Variants in PTPRZ1 observed in about 807,000 individuals in gnomAD.
PTPRZ1 encodes the protein protein tyrosine phosphatase receptor type Z1, also known as receptor-type tyrosine-protein phosphatase zeta.
Under a neutral mutation model 214.1 loss-of-function variants are expected in PTPRZ1, and 82 were observed. The ratio of observed to expected loss-of-function variants is 0.38; its 90% CI spans 0.32 to 0.46. The LOEUF is 0.46. PTPRZ1 is among the 20% of genes least tolerant of loss of function. The pLI, the probability that PTPRZ1 is intolerant of heterozygous loss-of-function variation, is 1.00. For synonymous variants in PTPRZ1, 945 were observed against 987.9 expected (o/e 0.96, Z 0.81); for missense variants, 2,603 against 2,748.7 (o/e 0.95, Z 1.19).
rs951510151 is a variant in PTPRZ1, at chr7:121,989,665, C to T, written c.928+5548C>T. On this transcript the variant is annotated intron_variant, in intron 8 of 29. Coordinates refer to ENST00000393386, the MANE Select transcript of PTPRZ1 (RefSeq NM_002851.3). ...CTGGGACTACAGGCATGAGCCACCA[C>T]GCTCCACCGAAAGTTTTTTCTTAAT... Among the ~76,000 whole-genome samples the T allele has an allele frequency of 1.1e-4, 16 of 152,282 alleles. No individual in the cohort carries two copies. The South Asian group carries it at 1.9e-3, about 18-fold the overall frequency.
chr7:121,999,215 A>T (rs1450696094), intron 10 of PTPRZ1, among the ~76,000 whole-genome samples: 1 of 152,192 alleles, frequency 6.6e-6, no homozygotes, highest in African/African-American at 2.4e-5. Context: ...ATTTCTTATG[A>T]CCTGCCTCAT....
chr7:121,918,999 A>G (rs1340221588), intron 1 of PTPRZ1, among the ~76,000 whole-genome samples: 1 of 152,028 alleles, frequency 6.6e-6, no homozygotes, highest in Non-Finnish European at 1.5e-5. Flanking sequence ...TGTTGTAAAC[A>G]TCTTGGTACA....
At chr7:121,937,798 C>T (rs529484077) in intron 2 of PTPRZ1, among the ~76,000 whole-genome samples, 63 of 152,304 alleles carry the variant, frequency 4.1e-4, no homozygotes, top group Non-Finnish European at 8.1e-4. Context: ...CCTATATACA[C>T]ACAGGCTGAG....
chr7:121,950,136 G>A (rs1011437191), intron 2 of PTPRZ1, among the ~76,000 whole-genome samples: 1 of 152,142 alleles, frequency 6.6e-6, no homozygotes, highest in East Asian at 1.9e-4. Context: ...ATGGATGGTG[G>A]CAGGCAAAAA....
At chr7:122,057,004 T>C (rs906551825) in intron 27 of PTPRZ1, among the ~76,000 whole-genome samples, 3 of 152,000 alleles carry the variant, frequency 2.0e-5, no homozygotes, top group African/African-American at 7.2e-5. Context: ...ATAATACATA[T>C]CCTTTTTTCT....
intron 2 of PTPRZ1, among the ~76,000 whole-genome samples, chr7:121,964,089 A>AT (rs1176968458): frequency 6.6e-6 from 1 of 151,916 alleles, no homozygotes; most frequent in East Asian, 1.9e-4. Context: ...TTTTTTGGTT[A>AT]TTTTTTCATT....
rs1798749438 is a variant in PTPRZ1, at chr7:122,013,585, A to G, written c.4539A>G (p.Gln1513=). ...GKSPSANGLS[Q]KHNDGKEEND... is the part of the protein sequence containing the mutation. ...CACCATCAGCAAATGGGCTATCCCA[A>G]AAGCACAATGATGGAAAAGAGGAAA... The change falls in exon 12 of 30, where the codon CAA becomes CAG. Residue 1513 remains glutamine, a synonymous_variant. Coordinates refer to ENST00000393386, the MANE Select transcript of PTPRZ1 (RefSeq NM_002851.3). 1 of 1,614,212 alleles carries G rather than the reference A, an allele frequency of 6.2e-7. No individual in the cohort carries two copies. Among genetic ancestry groups the G allele is most frequent in the Non-Finnish European group, 8.5e-7 (1 of 1,180,036 alleles).
At chr7:122,009,931 C>T (rs999537113) in intron 11 of PTPRZ1, among the ~76,000 whole-genome samples, 4 of 152,056 alleles carry the variant, frequency 2.6e-5, no homozygotes, top group African/African-American at 4.8e-5. Context: ...ATAGTTTCAT[C>T]GCCAATTCTT....
intron 6 of PTPRZ1, among the ~76,000 whole-genome samples, chr7:121,981,733 T>C (rs538567860): frequency 2.2e-4 from 34 of 152,348 alleles, no homozygotes; most frequent in African/African-American, 7.7e-4. Context: ...CTATAATCTG[T>C]ATACAAGTTT....
intron 6 of PTPRZ1, among the ~76,000 whole-genome samples, chr7:121,981,003 G>C (rs879754968): frequency 1.6e-4 from 24 of 152,094 alleles, no homozygotes; most frequent in Non-Finnish European, 2.9e-4. Flanking sequence ...TTAGCCAGGC[G>C]TGGTGGCAGG....
chr7:121,989,437 C>T lies in PTPRZ1; in HGVS notation c.928+5320C>T, dbSNP rs186153359. Among the ~76,000 whole-genome samples, 10 of 148,316 alleles carry T rather than the reference C, an allele frequency of 6.7e-5. No homozygotes were observed. In the East Asian group the frequency reaches 1.4e-3, roughly 21 times the overall value. ...TTGCCCAGGCTGGAGTGCAATGGCA[C>T]GATATCGGCTCACCGCAACCTCCGC... On this transcript the variant is annotated intron_variant, in intron 8 of 29. Transcript: ENST00000393386.
At chr7:121,967,754 T>C (rs1402103918) in intron 2 of PTPRZ1, among the ~76,000 whole-genome samples, 197 bp from the exon 3 acceptor site, 1 of 152,204 alleles carries the variant, frequency 6.6e-6, no homozygotes, top group Non-Finnish European at 1.5e-5. Context: ...ATGGTTGTTC[T>C]ACAGACCTTT....
chr7:121,958,017 C>A (rs1156998640), intron 2 of PTPRZ1, among the ~76,000 whole-genome samples: 1 of 151,918 alleles, frequency 6.6e-6, no homozygotes, highest in Non-Finnish European at 1.5e-5. Flanking sequence ...TTTAATAATT[C>A]TTTCCTCTCA....
chr7:122,054,966 C>T lies in PTPRZ1; in HGVS notation c.6407C>T (p.Pro2136Leu), dbSNP rs1331404637. The T allele has an allele frequency of 6.3e-7, 1 of 1,599,902 alleles. No individual in the cohort carries two copies. The highest frequency in any genetic ancestry group is 8.5e-7 in the Non-Finnish European group (1 of 1,173,868). ...NMAEDEFVYW[P>L]NKDEPINCES... ...GCAGAAGATGAATTTGTTTACTGGC[C>T]AAATAAAGATGAGCCTATAAATTGT... Residue 2136 changes from proline (P) to leucine (L), a missense_variant, in exon 27 of 30, where the codon CCA becomes CTA. Around this residue, in one of 6 missense-constraint regions of PTPRZ1, gnomAD observed 134 missense variants for 183.3 expected, o/e 0.73. Coordinates refer to ENST00000393386, the MANE Select transcript of PTPRZ1 (RefSeq NM_002851.3).
chr7:121,882,255 T>C (rs957469569), intron 1 of PTPRZ1, among the ~76,000 whole-genome samples: 5 of 152,230 alleles, frequency 3.3e-5, no homozygotes, highest in African/African-American at 1.2e-4. Context: ...TTTTACAAGA[T>C]AGAAAGATGC....
intron 13 of PTPRZ1, among the ~76,000 whole-genome samples, chr7:122,020,769 A>T (rs1349566091): frequency 6.6e-6 from 1 of 152,180 alleles, no homozygotes; most frequent in East Asian, 1.9e-4. Context: ...ATAATAAGAA[A>T]CAAACAAACC....
At chr7:121,961,249 G>T (rs1480996889) in intron 2 of PTPRZ1, among the ~76,000 whole-genome samples, 1 of 152,020 alleles carries the variant, frequency 6.6e-6, no homozygotes, top group Non-Finnish European at 1.5e-5. Flanking sequence ...GTCTCCCCAG[G>T]CACATGGATC....
intron 29 of PTPRZ1, 93 bp downstream of exon 29, chr7:122,059,981 T>C: frequency 8.1e-7 from 1 of 1,229,900 alleles, no homozygotes; most frequent in Non-Finnish European, 1.1e-6. Flanking sequence ...AGAAAGATCT[T>C]ATTAACTGAT....
intron 6 of PTPRZ1, among the ~76,000 whole-genome samples, chr7:121,982,667 T>G (rs1797645947): frequency 6.6e-6 from 1 of 152,242 alleles, no homozygotes; most frequent in African/African-American, 2.4e-5. Context: ...TATTTTCTGT[T>G]GTTTGATGCT....
Sources: allele counts gnomAD v4.1 joint callset (sites outside exome capture counted in the v4.1 genomes callset), GRCh38; gene constraint gnomAD v4.1.1; regional missense constraint gnomAD v4.1.1; transcripts MANE v1.5; gene names NCBI Gene and HGNC (gene_info 2026-07-23, HGNC 2026-07-21).